Variants in ZNF385D observed in about 807,000 individuals in gnomAD.
ZNF385D encodes zinc finger protein 659.
Under a neutral mutation model 35.8 loss-of-function variants are expected in ZNF385D, and 15 were observed. The observed-to-expected ratio is 0.42, with a 90% CI of 0.28 to 0.64. The LOEUF (loss-of-function observed/expected upper bound fraction) is 0.64. Ranked by LOEUF, ZNF385D falls within the 30% of genes least tolerant of loss-of-function variation. The probability of loss-of-function intolerance (pLI) is 0.23; values close to 1 mark genes in which losing one functional copy is unlikely to be tolerated. For missense variants in ZNF385D, 474 were observed against 494.6 expected (o/e 0.96, Z 0.39); for synonymous variants, 212 against 186.8 (o/e 1.13, Z -1.10).
At chr3:22,268,437 A>T (rs1315724314) in intron 2 of ZNF385D, among the ~76,000 whole-genome samples, 1 of 151,972 alleles carries the variant, frequency 6.6e-6, no homozygotes, top group Non-Finnish European at 1.5e-5. Context: ...CTTTTATTTA[A>T]AAAAGAGGAT....
chr3:21,935,086 A>C (rs1006213260), intron 3 of ZNF385D, among the ~76,000 whole-genome samples: 26 of 152,282 alleles, frequency 1.7e-4, no homozygotes, highest in African/African-American at 6.3e-4. Context: ...TGATTTGCCT[A>C]ATAAGTCTCC....
chr3:22,335,114 A>T (rs1410917077), intron 2 of ZNF385D, among the ~76,000 whole-genome samples: 7 of 152,162 alleles, frequency 4.6e-5, no homozygotes, highest in African/African-American at 1.7e-4. Context: ...AATATAATGT[A>T]TGATCATAAT....
At chr3:22,204,018 T>G (rs971831455) in intron 2 of ZNF385D, among the ~76,000 whole-genome samples, 2 of 152,016 alleles carry the variant, frequency 1.3e-5, no homozygotes, top group African/African-American at 2.4e-5. Flanking sequence ...GTGGTTACAG[T>G]GCACCTTGGG....
chr3:22,189,992 C>T (rs1439968982), intron 2 of ZNF385D, among the ~76,000 whole-genome samples: 1 of 152,096 alleles, frequency 6.6e-6, no homozygotes, highest in Non-Finnish European at 1.5e-5. Context: ...AATTCTAACA[C>T]ACTTTTGCCC....
At chr3:22,142,557 C>T (rs1200330959) in intron 3 of ZNF385D, among the ~76,000 whole-genome samples, 1 of 152,052 alleles carries the variant, frequency 6.6e-6, no homozygotes, top group Non-Finnish European at 1.5e-5. Context: ...TAACCTGTAG[C>T]TGCTCTCTCC....
intron 2 of ZNF385D, among the ~76,000 whole-genome samples, chr3:21,618,419 G>C (rs1187047215): frequency 1.3e-5 from 2 of 152,180 alleles, no homozygotes; most frequent in Admixed American, 6.5e-5. Flanking sequence ...AGCCAGTCTT[G>C]CCATACCCAG....
At chr3:22,181,984 G>A (rs76831680) in intron 2 of ZNF385D, among the ~76,000 whole-genome samples, 2,142 of 152,192 alleles carry the variant, frequency 0.014, 33 homozygotes, top group African/African-American at 0.041. Context: ...GCTGAATGCC[G>A]CAAACAAACA....
chr3:21,765,676 T>C (rs540977879), intron 3 of ZNF385D, among the ~76,000 whole-genome samples: 17 of 150,274 alleles, frequency 1.1e-4, no homozygotes, highest in African/African-American at 3.9e-4. Flanking sequence ...GAAATAGAGA[T>C]ACATATAAGT....
At chr3:21,432,238 TTGATC>T (rs1280176332) in intron 5 of ZNF385D, among the ~76,000 whole-genome samples, 4 of 139,318 alleles carry the variant, frequency 2.9e-5, no homozygotes, top group African/African-American at 1.1e-4. Flanking sequence ...TCTTGACACT[TTGATC>T]TGCTCAACAA....
intron 2 of ZNF385D, among the ~76,000 whole-genome samples, chr3:22,204,518 G>T (rs1466802591): frequency 6.6e-6 from 1 of 151,970 alleles, no homozygotes; most frequent in Non-Finnish European, 1.5e-5. Context: ...AACTAAGTAA[G>T]ACACAAGGGA....
chr3:22,308,921 T>G (rs1390352260), intron 2 of ZNF385D, among the ~76,000 whole-genome samples: 1 of 152,090 alleles, frequency 6.6e-6, no homozygotes, highest in African/African-American at 2.4e-5. Flanking sequence ...TTTGAAAAAT[T>G]TGCTTTATAA....
intron 3 of ZNF385D, among the ~76,000 whole-genome samples, chr3:22,038,760 C>A (rs991763346): frequency 6.6e-6 from 1 of 151,820 alleles, no homozygotes; most frequent in Non-Finnish European, 1.5e-5. Context: ...AGATTTCATA[C>A]ACACTAAGGA....
At chr3:22,348,017 A>T (rs982459966) in intron 2 of ZNF385D, among the ~76,000 whole-genome samples, 7 of 152,172 alleles carry the variant, frequency 4.6e-5, no homozygotes, top group African/African-American at 1.7e-4. Context: ...GAATTTTGTG[A>T]TAATTGCAGC....
At chr3:21,558,273 C>T (rs567160043) in intron 3 of ZNF385D, among the ~76,000 whole-genome samples, 1 of 152,130 alleles carries the variant, frequency 6.6e-6, no homozygotes, top group African/African-American at 2.4e-5. Context: ...ATCTTTCTTG[C>T]TTTCTCTTGT....
chr3:22,160,999 C>A (rs1705914756), intron 3 of ZNF385D, among the ~76,000 whole-genome samples: 1 of 152,026 alleles, frequency 6.6e-6, no homozygotes, highest in African/African-American at 2.4e-5. Flanking sequence ...ATCAAAGAAC[C>A]ATTCTTAATC....
chr3:21,551,958 T>C (rs2062581261), intron 3 of ZNF385D, among the ~76,000 whole-genome samples: 2 of 152,262 alleles, frequency 1.3e-5, no homozygotes, highest in South Asian at 2.1e-4. Context: ...TGAATTTTCA[T>C]GATACAAAGA....
chr3:21,572,462 A>C (rs1383774351), intron 2 of ZNF385D, among the ~76,000 whole-genome samples: 1 of 152,196 alleles, frequency 6.6e-6, no homozygotes, highest in Admixed American at 6.6e-5. Flanking sequence ...AATACCTCCA[A>C]GTATGTACCT....
At chr3:22,000,304 CAAA>C (rs35298204) in intron 3 of ZNF385D, among the ~76,000 whole-genome samples, 2 of 147,596 alleles carry the variant, frequency 1.4e-5, no homozygotes, top group Non-Finnish European at 3.0e-5. Context: ...GACTCCATCT[CAAA>C]AAAAAAAAGG....
At chr3:22,333,061 T>C (rs1437165770) in intron 2 of ZNF385D, among the ~76,000 whole-genome samples, 1 of 152,132 alleles carries the variant, frequency 6.6e-6, no homozygotes, top group Non-Finnish European at 1.5e-5. Context: ...AAGTCCTGAA[T>C]ATTATTTTTG....
Sources: allele counts gnomAD v4.1 joint callset (sites outside exome capture counted in the v4.1 genomes callset), GRCh38; gene constraint gnomAD v4.1.1; transcripts MANE v1.5; gene names NCBI Gene and HGNC (gene_info 2026-07-23, HGNC 2026-07-21).